Variants in ADGRL3 observed in about 807,000 individuals in gnomAD.
ADGRL3 encodes the protein adhesion G protein-coupled receptor L3.
Under a neutral mutation model 153.5 loss-of-function variants are expected in ADGRL3, and 62 were observed. The ratio of observed to expected loss-of-function variants is 0.40; its 90% CI spans 0.33 to 0.50. The LOEUF is 0.50. ADGRL3 is among the 20% of genes least tolerant of loss of function. The pLI is 0.47. For synonymous variants in ADGRL3, 710 were observed against 672.5 expected (o/e 1.06, Z -0.86); for missense variants, 1,641 against 1,859.4 (o/e 0.88, Z 2.16).
intron 5 of ADGRL3, among the ~76,000 whole-genome samples, chr4:61,612,937 GA>G (rs1410483831): frequency 6.6e-6 from 1 of 152,084 alleles, no homozygotes; most frequent in Non-Finnish European, 1.5e-5. Flanking sequence ...GAGAGAAGAA[GA>G]AATCTTAGAG....
intron 5 of ADGRL3, among the ~76,000 whole-genome samples, chr4:61,647,336 G>A (rs545432873): frequency 5.4e-4 from 82 of 152,130 alleles, no homozygotes; most frequent in Non-Finnish European, 1.0e-3. Flanking sequence ...AAAAACTTTG[G>A]TTTCATCACT....
At position 61,202,697 on chromosome 4, in the gene ADGRL3, C is replaced by G. The variant is rs1408606942; in HGVS notation, c.-240+932C>G. 6.6e-6 allele frequency among the ~76,000 whole-genome samples: 1 copy of G among 152,114 alleles called. No individual in the cohort carries two copies. Among genetic ancestry groups the G allele is most frequent in the African/African-American group, 2.4e-5 (1 of 41,436 alleles). Reference sequence around the variant, plus strand: ...TGCCGCGACCCAGCCTCCGGTCCCACGTCGGAGCTCAGAAGCTTAGGGTGC... The same window carrying G: ...TGCCGCGACCCAGCCTCCGGTCCCAGGTCGGAGCTCAGAAGCTTAGGGTGC... On this transcript the variant is annotated intron_variant, in intron 1 of 26. Transcript: ENST00000683033. The surrounding 1 kb of genome is among the most constrained non-coding windows in gnomAD (Gnocchi z 5.0).
chr4:61,234,489 C>A (rs1348384105), intron 1 of ADGRL3, among the ~76,000 whole-genome samples: 3 of 152,176 alleles, frequency 2.0e-5, no homozygotes, highest in Non-Finnish European at 4.4e-5. Context: ...CAAACTATAT[C>A]AGGTTGAGAC....
chr4:61,310,598 G>A (rs1426321510), intron 1 of ADGRL3, among the ~76,000 whole-genome samples: 2 of 152,068 alleles, frequency 1.3e-5, no homozygotes, highest in African/African-American at 4.8e-5. Flanking sequence ...AGTCATATGT[G>A]TATTGAAATT....
At chr4:61,299,503 T>A (rs1488315888) in intron 1 of ADGRL3, among the ~76,000 whole-genome samples, 6 of 152,172 alleles carry the variant, frequency 3.9e-5, no homozygotes, top group Admixed American at 3.9e-4. Context: ...TGCTTTTAAG[T>A]CACATATGGA....
intron 17 of ADGRL3, among the ~76,000 whole-genome samples, chr4:61,958,814 T>C (rs2150448133): frequency 6.6e-6 from 1 of 152,176 alleles, no homozygotes; most frequent in East Asian, 1.9e-4. Flanking sequence ...AGCTAAGCCA[T>C]GTCAGGGTTA....
chr4:61,694,991 T>G (rs2095614020), intron 6 of ADGRL3, among the ~76,000 whole-genome samples: 1 of 152,204 alleles, frequency 6.6e-6, no homozygotes, highest in African/African-American at 2.4e-5. Context: ...CAGTCACATC[T>G]TCAGGCTCCA....
At chr4:61,286,268 C>T (rs1040114416) in intron 1 of ADGRL3, among the ~76,000 whole-genome samples, 7 of 149,866 alleles carry the variant, frequency 4.7e-5, no homozygotes, top group Admixed American at 1.3e-4. Flanking sequence ...GGTTACCTGC[C>T]GAATTCATGT....
intron 17 of ADGRL3, among the ~76,000 whole-genome samples, chr4:61,950,408 G>A (rs2098942544): frequency 6.6e-6 from 1 of 152,158 alleles, no homozygotes; most frequent in Admixed American, 6.5e-5. Flanking sequence ...GTATTAGCCA[G>A]AAAAGTTGTG....
At position 61,498,384 on chromosome 4, in the gene ADGRL3, A is replaced by G. The variant is rs149875340; in HGVS notation, c.55+1036A>G. The stretch of plus-strand genomic sequence containing the variant: ...GCTAACACCGTGAAACCCCGTCTCT[A>G]CTAAAAATACAAAGAAATTAGCTGG... On this transcript the variant is annotated intron_variant, in intron 3 of 26. Coordinates refer to ENST00000683033, the MANE Select transcript of ADGRL3 (RefSeq NM_001387552.1). Among the ~76,000 whole-genome samples, 9 of 152,162 alleles carry G rather than the reference A, an allele frequency of 5.9e-5. No individual in the cohort carries two copies. The East Asian group carries it at 1.7e-3, about 29-fold the overall frequency.
intron 1 of ADGRL3, among the ~76,000 whole-genome samples, chr4:61,360,817 T>C (rs2096271318): frequency 6.6e-6 from 1 of 152,186 alleles, no homozygotes; most frequent in South Asian, 2.1e-4. Flanking sequence ...AGCCTTCCCC[T>C]AAAGCATGAC....
intron 1 of ADGRL3, among the ~76,000 whole-genome samples, chr4:61,337,118 T>C (rs1440131404): frequency 2.0e-5 from 3 of 152,154 alleles, no homozygotes; most frequent in African/African-American, 7.2e-5. Context: ...TGGCATGTGC[T>C]TTAGAAGTGC....
intron 1 of ADGRL3, among the ~76,000 whole-genome samples, chr4:61,362,790 C>T (rs545393817): frequency 2.0e-5 from 3 of 151,920 alleles, no homozygotes; most frequent in Admixed American, 2.0e-4. Context: ...AGTTCAAACC[C>T]ATGTTGTTTA....
intron 6 of ADGRL3, among the ~76,000 whole-genome samples, chr4:61,720,650 T>C (rs1322969842): frequency 6.6e-6 from 1 of 152,214 alleles, no homozygotes; most frequent in Non-Finnish European, 1.5e-5. Flanking sequence ...TTAGCAGTTG[T>C]GCTCTGGTGA....
intron 2 of ADGRL3, among the ~76,000 whole-genome samples, chr4:61,395,183 A>T (rs2096855178): frequency 6.6e-6 from 1 of 151,950 alleles, no homozygotes; most frequent in African/African-American, 2.4e-5. Context: ...TGAAAATATA[A>T]GTGTGGTATT....
At chr4:61,288,551 A>G (rs1165010957) in intron 1 of ADGRL3, among the ~76,000 whole-genome samples, 2 of 152,028 alleles carry the variant, frequency 1.3e-5, no homozygotes, top group East Asian at 3.9e-4. Context: ...AGAAGTCTTC[A>G]AGCACTCTAT....
At chr4:61,289,088 A>C (rs1305580650) in intron 1 of ADGRL3, among the ~76,000 whole-genome samples, 1 of 151,980 alleles carries the variant, frequency 6.6e-6, no homozygotes, top group Non-Finnish European at 1.5e-5. Flanking sequence ...AAGTTCTGTG[A>C]TGTAGCACAG....
intron 9 of ADGRL3, among the ~76,000 whole-genome samples, chr4:61,863,528 T>C (rs113843738): frequency 0.02 from 2,997 of 152,024 alleles, 105 homozygotes; most frequent in African/African-American, 0.067. Flanking sequence ...TGAGCCACCG[T>C]GCCCGGCCTG....
chr4:61,754,677 G>C (rs949255950), intron 8 of ADGRL3, among the ~76,000 whole-genome samples: 1 of 151,952 alleles, frequency 6.6e-6, no homozygotes, highest in Non-Finnish European at 1.5e-5. Context: ...GTGCAGGTTA[G>C]TTACATATGT....
Sources: allele counts gnomAD v4.1 joint callset (sites outside exome capture counted in the v4.1 genomes callset), GRCh38; gene constraint gnomAD v4.1.1; non-coding constraint Gnocchi (gnomAD v3.1); transcripts MANE v1.5; gene names NCBI Gene and HGNC (gene_info 2026-07-23, HGNC 2026-07-21).